LOXHD1: variants seen among roughly 807,000 people sequenced by gnomAD.
The protein encoded by LOXHD1 is lipoxygenase homology PLAT domains 1.
LOXHD1 carries 205 observed loss-of-function variants against 248.2 expected under a neutral mutation model. That is an observed-to-expected ratio of 0.83 (90% CI 0.74 to 0.93). The LOEUF (loss-of-function observed/expected upper bound fraction) is 0.93, where lower values mean the gene tolerates loss of function less well. Among genes scored for constraint, LOXHD1 ranks in the 40% least tolerant of loss-of-function variants. The pLI, the probability that LOXHD1 is intolerant of heterozygous loss-of-function variation, is 0.00. For missense variants in LOXHD1, 2,930 were observed against 2,971.6 expected, an observed-to-expected ratio of 0.99 and a Z score of 0.33; for synonymous variants, 1,113 against 1,162.8, an observed-to-expected ratio of 0.96 and a Z score of 0.87.
intron 12 of LOXHD1, among the ~76,000 whole-genome samples, chr18:46,583,909 T>A (rs541944624): frequency 6.6e-6 from 1 of 152,088 alleles, no homozygotes; most frequent in Admixed American, 6.5e-5. Flanking sequence ...TATTGCATCA[T>A]CACTACTTAC....
Position 46,572,548 on chromosome 18 carries a change from C to A in LOXHD1, c.1971-386G>T, listed in dbSNP as rs140975839. On this transcript the variant is annotated intron_variant, in intron 14 of 40. Coordinates refer to ENST00000642948, the MANE Select transcript of LOXHD1 (RefSeq NM_001384474.1). ...GATGCAGTGAACAACAGGTAGAGAGCTGGCAGAGGAAGCTGGAGAGGGGAC... is the reference window on the plus strand; with the variant it reads ...GATGCAGTGAACAACAGGTAGAGAGATGGCAGAGGAAGCTGGAGAGGGGAC... Among the ~76,000 whole-genome samples the A allele has an allele frequency of 4.7e-3, 718 of 152,286 alleles. 11 individuals are homozygous for A. The highest frequency in any genetic ancestry group is 0.034 in the Admixed American group (518 of 15,302).
chr18:46,560,926 C>T (rs2037516955), intron 18 of LOXHD1, among the ~76,000 whole-genome samples: 1 of 152,158 alleles, frequency 6.6e-6, no homozygotes, highest in Admixed American at 6.5e-5. Context: ...CTTGGCCTGC[C>T]TTTATCCCCC....
chr18:46,565,484 T>G lies in LOXHD1; in HGVS notation c.2437+773A>C, dbSNP rs530330587. Among the ~76,000 whole-genome samples, 20 of 152,282 alleles carry G rather than the reference T, an allele frequency of 1.3e-4. No homozygotes were observed. In the East Asian group the frequency reaches 3.5e-3, roughly 26 times the overall value. On this transcript the variant is annotated intron_variant, in intron 17 of 40. Coordinates refer to ENST00000642948, the MANE Select transcript of LOXHD1 (RefSeq NM_001384474.1). ...AAAGCCTGTGAGCGCAAGGGTTTTG[T>G]TCGTTTTGCTCACAGCTGCCTCCAC...
At chr18:46,548,128 C>T (rs564004319) in intron 21 of LOXHD1, among the ~76,000 whole-genome samples, 1 of 152,352 alleles carries the variant, frequency 6.6e-6, no homozygotes, top group South Asian at 2.1e-4. Flanking sequence ...TGGCCCATGC[C>T]TGGGATCTCT....
intron 37 of LOXHD1, among the ~76,000 whole-genome samples, chr18:46,496,497 G>A (rs565215636): frequency 6.6e-6 from 1 of 152,210 alleles, no homozygotes; most frequent in East Asian, 1.9e-4. Context: ...CTATGCAAGG[G>A]AAGCATAAGG....
At chr18:46,518,506 A>T (rs1343577298) in intron 33 of LOXHD1, among the ~76,000 whole-genome samples, 3 of 152,230 alleles carry the variant, frequency 2.0e-5, no homozygotes, top group Non-Finnish European at 4.4e-5. Flanking sequence ...AACATGATGG[A>T]AAGCCTGGCG....
At chr18:46,564,305 C>T (rs894403466) in intron 17 of LOXHD1, among the ~76,000 whole-genome samples, 2 of 152,110 alleles carry the variant, frequency 1.3e-5, no homozygotes, top group African/African-American at 4.8e-5. Context: ...AGAAGGATTG[C>T]TTGAGGCCAG....
chr18:46,522,371 G>A (rs1026539846), intron 31 of LOXHD1, 62 bp from the exon 32 acceptor site: 58 of 1,397,536 alleles, frequency 4.2e-5, no homozygotes, highest in Non-Finnish European at 5.2e-5. Flanking sequence ...CTGCCTCATA[G>A]ACTCACAGAT....
chr18:46,624,362 C>G (rs2144341798), intron 4 of LOXHD1, among the ~76,000 whole-genome samples: 1 of 152,302 alleles, frequency 6.6e-6, no homozygotes, highest in African/African-American at 2.4e-5. Context: ...AATGTTCTCT[C>G]CCAGCCAGGG....
chr18:46,527,347 G>A (rs116832615), intron 29 of LOXHD1, among the ~76,000 whole-genome samples: 12 of 152,276 alleles, frequency 7.9e-5, no homozygotes, highest in East Asian at 3.9e-4. Flanking sequence ...AACACCAGGC[G>A]TCAACTAGGG....
intron 4 of LOXHD1, among the ~76,000 whole-genome samples, chr18:46,623,523 C>T (rs895079507): frequency 1.3e-5 from 2 of 152,242 alleles, no homozygotes; most frequent in African/African-American, 4.8e-5. Context: ...AGTGCCCACT[C>T]AAGGCCACAA....
Position 46,563,231 on chromosome 18 carries a change from T to A in LOXHD1, c.2438-6A>T. ...CTCAACCTCATAGTGGACCACTGGG[T>A]GGGCACGTGCAGAAGAAGTGGAACA... On this transcript the variant is annotated splice_polypyrimidine_tract_variant and splice_region_variant and intron_variant, in intron 17 of 40. Coordinates refer to ENST00000642948, the MANE Select transcript of LOXHD1 (RefSeq NM_001384474.1). The A allele has an allele frequency of 6.7e-7, 1 of 1,493,998 alleles. No individual in the cohort carries two copies. Among genetic ancestry groups the A allele is most frequent in the Admixed American group, 2.0e-5 (1 of 49,148 alleles). 92.5% of individuals were successfully genotyped at this position (1,493,998 alleles called of 1,614,324 possible).
At chr18:46,634,588 A>G (rs1054267485) in intron 4 of LOXHD1, among the ~76,000 whole-genome samples, 3 of 152,202 alleles carry the variant, frequency 2.0e-5, no homozygotes, top group East Asian at 3.8e-4. Flanking sequence ...AATGAATTTC[A>G]TGGATAGACT....
intron 10 of LOXHD1, among the ~76,000 whole-genome samples, chr18:46,593,119 G>T (rs908698997): frequency 4.6e-5 from 7 of 151,966 alleles, no homozygotes; most frequent in South Asian, 4.1e-4. Flanking sequence ...CCTACCTAAA[G>T]GTTGAAATAG....
intron 17 of LOXHD1, 48 bp downstream of exon 17, chr18:46,566,209 A>AT (rs1367451843): frequency 6.6e-7 from 1 of 1,509,436 alleles, no homozygotes; most frequent in Admixed American, 2.0e-5. Flanking sequence ...CCTCAGCCCC[A>AT]TCCCCCATGG....
At position 46,546,989 on chromosome 18, in the gene LOXHD1, C is replaced by CA. The variant is rs1398317198; in HGVS notation, c.3419dup (p.Leu1140PhefsTer5). 1.9e-6 allele frequency: 3 copies of CA among 1,551,768 alleles called. No individual in the cohort carries two copies. Among genetic ancestry groups the CA allele is most frequent in the Admixed American group, 2.0e-5 (1 of 51,006 alleles). On this transcript the variant is annotated frameshift_variant, in exon 22 of 41. Coordinates refer to ENST00000642948, the MANE Select transcript of LOXHD1 (RefSeq NM_001384474.1). LOFTEE classifies it high-confidence loss of function. The stretch of plus-strand genomic sequence containing the variant: ...GCAGCACATAGGACTCATCCACTGG[C>CA]AACAGCTCCCTGGACAGCTGGCCAT...
At chr18:46,586,256 A>G (rs116777746) in intron 12 of LOXHD1, among the ~76,000 whole-genome samples, 2,930 of 152,270 alleles carry the variant, frequency 0.019, 90 homozygotes, top group African/African-American at 0.067. Context: ...TAAAGTGGGG[A>G]AATGGGAATG....
Position 46,524,847 on chromosome 18 carries a change from G to T in LOXHD1, c.4601C>A (p.Ser1534Tyr). ...CACGTACCAGTCTGCGCACCACTTG[G>T]AGTTGTCATGGCGGAGCTTGATCTT... is the stretch of plus-strand genomic sequence containing the variant. The part of the protein sequence containing the change: ...IYKIKLRHDN[S>Y]KWCADWYVEK... The change falls in exon 30 of 41, where the codon TCC becomes TAC. Residue 1534 changes from serine to tyrosine, a missense_variant. Ser to Tyr is a moderately radical substitution (Grantham distance 144). Transcript: ENST00000642948. 1 of 1,551,778 alleles carries T rather than the reference G, an allele frequency of 6.4e-7. No homozygotes were observed. Among genetic ancestry groups the T allele is most frequent in the Non-Finnish European group, 8.7e-7 (1 of 1,147,012 alleles).
chr18:46,590,926 G>A (rs1273531599), intron 12 of LOXHD1, among the ~76,000 whole-genome samples: 1 of 152,122 alleles, frequency 6.6e-6, no homozygotes, highest in African/African-American at 2.4e-5. Flanking sequence ...AAAGAAACAT[G>A]ATGCTAATTA....
Sources: gnomAD v4.1 joint callset for allele counts (sites outside exome capture counted in the v4.1 genomes callset) on GRCh38, gnomAD v4.1.1 for gene constraint, MANE v1.5 for transcripts, NCBI Gene and HGNC (gene_info 2026-07-23, HGNC 2026-07-21) for gene names.